ATXN1: variants seen among roughly 807,000 people sequenced by gnomAD.
ATXN1 encodes the protein ataxin 1.
In ATXN1, 8 loss-of-function variants were observed where a neutral mutation model predicts 56.4. That is an observed-to-expected ratio of 0.14 (90% CI 0.08 to 0.26). The LOEUF is 0.26. ATXN1 is among the 10% of genes least tolerant of loss of function. The pLI is 1.00. For synonymous variants in ATXN1, 514 were observed against 494.6 expected, an observed-to-expected ratio of 1.04 and a Z score of -0.52; for missense variants, 987 against 1,106.5, an observed-to-expected ratio of 0.89 and a Z score of 1.53.
At chr6:16,320,361 G>A (rs1343206371) in intron 7 of ATXN1, among the ~76,000 whole-genome samples, 1 of 152,110 alleles carries the variant, frequency 6.6e-6, no homozygotes, top group African/African-American at 2.4e-5. Flanking sequence ...AAATGGCACT[G>A]AATATTAAGC....
chr6:16,322,841 C>T (rs1372241625), intron 7 of ATXN1, among the ~76,000 whole-genome samples: 3 of 152,170 alleles, frequency 2.0e-5, no homozygotes, highest in African/African-American at 7.2e-5. Context: ...TGATGTCAGC[C>T]GATTTCTGAT....
intron 3 of ATXN1, among the ~76,000 whole-genome samples, chr6:16,605,480 T>TA (rs1334357457): frequency 2.0e-5 from 3 of 152,200 alleles, no homozygotes; most frequent in Non-Finnish European, 2.9e-5. Flanking sequence ...CCTCTGCACT[T>TA]AGACAATGCT....
intron 6 of ATXN1, among the ~76,000 whole-genome samples, chr6:16,332,640 A>G (rs1761019073): frequency 6.6e-6 from 1 of 152,252 alleles, no homozygotes; most frequent in African/African-American, 2.4e-5. Context: ...CACTGTTTAA[A>G]CATTCCTATT....
intron 2 of ATXN1, among the ~76,000 whole-genome samples, chr6:16,703,096 G>C (rs147332332): frequency 1.8e-3 from 277 of 152,232 alleles, no homozygotes; most frequent in African/African-American, 6.0e-3. Context: ...GTCCAACAAT[G>C]ATAAACTGCA....
intron 6 of ATXN1, among the ~76,000 whole-genome samples, chr6:16,420,679 T>G (rs773027396): frequency 1.3e-5 from 2 of 152,224 alleles, no homozygotes; most frequent in Non-Finnish European, 2.9e-5. Flanking sequence ...GAAGTAATTA[T>G]TAGAAAGTGA....
rs141621137 is a variant in ATXN1 at position 16,403,231 on chromosome 6, ATCAC to A, written c.-160-74765_-160-74762del. On this transcript the variant is annotated intron_variant, in intron 6 of 7. Coordinates refer to ENST00000436367, the MANE Select transcript of ATXN1 (RefSeq NM_001128164.2). ...CCAAGTTCAACTTTGGAAATGCATC[ATCAC>A]CTTCACGCCAGAATCACAAACACAC... Among the ~76,000 whole-genome samples, 420 of 152,316 alleles carry A rather than the reference ATCAC, an allele frequency of 2.8e-3. 3 individuals carry two copies. The highest frequency in any genetic ancestry group is 9.8e-3 in the African/African-American group (406 of 41,578).
chr6:16,390,822 G>A (rs1356111638), intron 6 of ATXN1, among the ~76,000 whole-genome samples: 2 of 152,002 alleles, frequency 1.3e-5, no homozygotes, highest in East Asian at 1.9e-4. Context: ...GTAAACTGGC[G>A]TCAGTAACAG....
chr6:16,619,783 C>G (rs962135041), intron 3 of ATXN1, among the ~76,000 whole-genome samples: 1 of 151,474 alleles, frequency 6.6e-6, no homozygotes, highest in Admixed American at 6.6e-5. Context: ...GCAACATGCA[C>G]TATAGTCCCA....
At chr6:16,542,552 G>T (rs769330803) in intron 4 of ATXN1, among the ~76,000 whole-genome samples, 2 of 152,164 alleles carry the variant, frequency 1.3e-5, no homozygotes, top group African/African-American at 4.8e-5. Context: ...TCTCTAGAGG[G>T]AAAGTATGTA....
intron 4 of ATXN1, among the ~76,000 whole-genome samples, chr6:16,534,701 A>G (rs992094768): frequency 7.2e-5 from 11 of 152,014 alleles, no homozygotes; most frequent in African/African-American, 2.7e-4. Flanking sequence ...TCCTACCTAA[A>G]ATAAACCCAA....
At position 16,509,481 on chromosome 6, in the gene ATXN1, A is replaced by G. The variant is rs566220272; in HGVS notation, c.-299+13146T>C. ...ATTTTTCCATTCAAAAGCATTCGAT[A>G]GCTCATTCTGACTGTCCTATTTATG... is the stretch of plus-strand genomic sequence containing the variant. On this transcript the variant is annotated intron_variant, in intron 5 of 7. Coordinates refer to ENST00000436367, the MANE Select transcript of ATXN1 (RefSeq NM_001128164.2). Among the ~76,000 whole-genome samples, 3 of 152,328 alleles carry G rather than the reference A, an allele frequency of 2.0e-5. No homozygotes were observed. The East Asian group carries it at 5.8e-4, about 29-fold the overall frequency.
intron 6 of ATXN1, among the ~76,000 whole-genome samples, chr6:16,414,709 T>C (rs1423832665): frequency 6.6e-6 from 1 of 152,238 alleles, no homozygotes; most frequent in African/African-American, 2.4e-5. Context: ...TGAGTTTATC[T>C]ATCCGAATGC....
intron 6 of ATXN1, among the ~76,000 whole-genome samples, chr6:16,341,651 T>C (rs1319629548): frequency 6.6e-6 from 1 of 151,464 alleles, no homozygotes; most frequent in Non-Finnish European, 1.5e-5. Flanking sequence ...CCCGAGTGGC[T>C]GGGACTACAG....
chr6:16,541,801 C>T (rs1253362382), intron 4 of ATXN1, among the ~76,000 whole-genome samples: 2 of 152,138 alleles, frequency 1.3e-5, no homozygotes, highest in Non-Finnish European at 2.9e-5. Flanking sequence ...TTAATGAACA[C>T]GGAAATTGTA....
chr6:16,706,907 C>G (rs1175972219), intron 2 of ATXN1, among the ~76,000 whole-genome samples: 1 of 152,148 alleles, frequency 6.6e-6, no homozygotes, highest in Non-Finnish European at 1.5e-5. Flanking sequence ...TTTATCACCT[C>G]CCGCTAGACG....
chr6:16,753,015 A>G (rs1760769854), intron 2 of ATXN1: 1 of 304,092 alleles, frequency 3.3e-6, no homozygotes, highest in South Asian at 2.7e-5. Context: ...GAAAGTCTTC[A>G]TGAACATATA....
intron 4 of ATXN1, among the ~76,000 whole-genome samples, chr6:16,575,237 CT>C (rs142969089): frequency 0.093 from 14,093 of 152,138 alleles, 1,302 homozygotes; most frequent in African/African-American, 0.24. Context: ...TCTGCATATA[CT>C]TTTGCCCGCT....
intron 6 of ATXN1, among the ~76,000 whole-genome samples, chr6:16,484,265 T>C (rs892747782): frequency 2.0e-5 from 3 of 152,032 alleles, no homozygotes; most frequent in Admixed American, 6.6e-5. Flanking sequence ...AAACTCTGTC[T>C]CTACCAAAAA....
At chr6:16,474,087 G>A (rs1263955129) in intron 6 of ATXN1, among the ~76,000 whole-genome samples, 1 of 152,150 alleles carries the variant, frequency 6.6e-6, no homozygotes, top group African/African-American at 2.4e-5. Flanking sequence ...TTTTCTTCAT[G>A]AGACTTCACA....
Sources: allele counts gnomAD v4.1 joint callset (sites outside exome capture counted in the v4.1 genomes callset), GRCh38; gene constraint gnomAD v4.1.1; transcripts MANE v1.5; gene names NCBI Gene and HGNC (gene_info 2026-07-23, HGNC 2026-07-21).